The following ZSWIM7 variants were observed in gnomAD, a reference collection of about 807,000 sequenced individuals.
The protein encoded by ZSWIM7 is zinc finger SWIM domain-containing protein 7.
In ZSWIM7, 22 loss-of-function variants were observed where a neutral mutation model predicts 21.1. The observed-to-expected ratio is 1.04, with a 90% confidence interval of 0.74 to 1.49. The LOEUF (loss-of-function observed/expected upper bound fraction) is 1.49. ZSWIM7 is among the 40% of genes most tolerant of loss of function. The probability of loss-of-function intolerance (pLI) is 0.00; values close to 1 mark genes in which losing one functional copy is unlikely to be tolerated. For synonymous variants in ZSWIM7, 67 were observed against 66.5 expected (o/e 1.01, Z -0.04); for missense variants, 193 against 168.0 (o/e 1.15, Z -0.82).
chr17:15,996,229 G>A (rs1462136913), intron 1 of ZSWIM7, among the ~76,000 whole-genome samples: 1 of 152,156 alleles, frequency 6.6e-6, no homozygotes, highest in African/African-American at 2.4e-5. Flanking sequence ...CTTGAACCCA[G>A]GAGGCAGAGG....
At chr17:15,988,847 C>CAT (rs1970447612) in intron 2 of ZSWIM7, among the ~76,000 whole-genome samples, 1 of 151,890 alleles carries the variant, frequency 6.6e-6, no homozygotes. Flanking sequence ...GGTGAAACCC[C>CAT]GTCTCTACTA....
Position 15,998,816 on chromosome 17 carries a change from G to A in ZSWIM7, c.76+703C>T, listed in dbSNP as rs749651762. ...GTTGCCCAGGCTGGAGTGCAATGGC[G>A]CGATCTCGGCTCACGGCAACCTCCG... On this transcript the variant is annotated intron_variant, in intron 1 of 4. Coordinates refer to ENST00000399277, the MANE Select transcript of ZSWIM7 (RefSeq NM_001042697.2). 4.7e-5 allele frequency among the ~76,000 whole-genome samples: 7 copies of A among 150,526 alleles called. No homozygotes were observed. The East Asian group carries it at 5.9e-4, about 13-fold the overall frequency.
intron 4 of ZSWIM7, among the ~76,000 whole-genome samples, chr17:15,979,038 G>A (rs1281846784): frequency 6.7e-6 from 1 of 149,362 alleles, no homozygotes; most frequent in Non-Finnish European, 1.5e-5. Flanking sequence ...TCTCACAGAG[G>A]GGGATTTGGC....
intron 3 of ZSWIM7, among the ~76,000 whole-genome samples, chr17:15,982,702 A>G (rs1206546899): frequency 6.6e-6 from 1 of 152,100 alleles, no homozygotes; most frequent in East Asian, 1.9e-4. Flanking sequence ...TCCAGGCTGG[A>G]GTACAGTGGC....
intron 2 of ZSWIM7, chr17:15,990,873 ATTTT>A (rs991937866): frequency 6.6e-6 from 1 of 152,222 alleles, no homozygotes; most frequent in Admixed American, 6.5e-5. Context: ...ACCTTTAAGA[ATTTT>A]TTTAAGGCCA....
At chr17:15,996,490 A>G (rs1970556794) in intron 1 of ZSWIM7, among the ~76,000 whole-genome samples, 1 of 152,044 alleles carries the variant, frequency 6.6e-6, no homozygotes, top group Admixed American at 6.6e-5. Flanking sequence ...ACAGAAAATA[A>G]AATAATCAGC....
chr17:15,993,855 G>T, intron 1 of ZSWIM7, 77 bp from the exon 2 acceptor site: 1 of 1,162,928 alleles, frequency 8.6e-7, no homozygotes, highest in Non-Finnish European at 1.2e-6. Context: ...AAAAAACACT[G>T]TAACTAAAAA....
intron 2 of ZSWIM7, among the ~76,000 whole-genome samples, chr17:15,992,052 G>A (rs1179240357): frequency 7.3e-5 from 11 of 151,602 alleles, no homozygotes; most frequent in East Asian, 5.8e-4. Context: ...TCAGCCCCCC[G>A]AATAGCTGGG....
At chr17:15,980,578 G>A (rs867412362) in intron 4 of ZSWIM7, among the ~76,000 whole-genome samples, 4 of 152,212 alleles carry the variant, frequency 2.6e-5, no homozygotes, top group Middle Eastern at 3.4e-3. Context: ...TTCATGGTCT[G>A]GACTCTGATG....
intron 2 of ZSWIM7, among the ~76,000 whole-genome samples, chr17:15,992,694 C>T (rs1970501541): frequency 6.6e-6 from 1 of 152,024 alleles, no homozygotes; most frequent in East Asian, 1.9e-4. Context: ...CCGTCTCGGC[C>T]TCCCAAAATG....
Position 15,977,355 on chromosome 17 carries a change from G to A in ZSWIM7, c.*692C>T, listed in dbSNP as rs1478289894. The A allele has an allele frequency of 3.9e-5, 6 of 152,032 alleles. No individual in the cohort carries two copies. The highest frequency in any genetic ancestry group is 3.9e-4 in the Admixed American group (6 of 15,252). The allele number at this position is 152,032 out of a possible 1,614,324, so 9.4% of individuals were successfully genotyped here. ...TCGTCGAAACTTCATCTTACTGTTT[G>A]GCCCACCATTCCAACCTTTTAAAAA... On this transcript the variant is annotated 3_prime_UTR_variant, in exon 5 of 5. Coordinates refer to ENST00000399277, the MANE Select transcript of ZSWIM7 (RefSeq NM_001042697.2).
At chr17:15,998,081 C>T (rs1970584030) in intron 1 of ZSWIM7, among the ~76,000 whole-genome samples, 1 of 150,764 alleles carries the variant, frequency 6.6e-6, no homozygotes, top group South Asian at 2.1e-4. Context: ...GCCTGGGAGA[C>T]AGAGCAAGAC....
chr17:15,993,937 A>G (rs1970515834), intron 1 of ZSWIM7, 159 bp from the exon 2 acceptor site: 1 of 525,028 alleles, frequency 1.9e-6, no homozygotes, highest in East Asian at 3.2e-5. Flanking sequence ...CACTAAAACC[A>G]TAATAAAAGG....
At chr17:15,979,505 A>AC (rs1299614736) in intron 4 of ZSWIM7, among the ~76,000 whole-genome samples, 1 of 152,080 alleles carries the variant, frequency 6.6e-6, no homozygotes, top group African/African-American at 2.4e-5. Context: ...GCTGTTGGGT[A>AC]CACCTCCCAG....
At chr17:15,978,916 C>T (rs1970310644) in intron 4 of ZSWIM7, among the ~76,000 whole-genome samples, 1 of 151,254 alleles carries the variant, frequency 6.6e-6, no homozygotes, top group Non-Finnish European at 1.5e-5. Context: ...ATTGTAACCA[C>T]ATGCTCATCA....
intron 1 of ZSWIM7, 30 bp from the exon 2 acceptor site, chr17:15,993,808 A>G: frequency 6.7e-7 from 1 of 1,490,140 alleles, no homozygotes; most frequent in Non-Finnish European, 9.3e-7. Flanking sequence ...AAAAAAAGTT[A>G]ATCATATTAA....
intron 1 of ZSWIM7, among the ~76,000 whole-genome samples, chr17:15,997,928 C>A (rs1017331525): frequency 1.2e-4 from 19 of 152,098 alleles, no homozygotes; most frequent in Non-Finnish European, 2.8e-4. Context: ...TGGTGAAACC[C>A]CGTCTCTTCT....
chr17:15,991,260 T>G (rs1389117590), intron 2 of ZSWIM7, among the ~76,000 whole-genome samples: 1 of 151,844 alleles, frequency 6.6e-6, no homozygotes, highest in African/African-American at 2.4e-5. Flanking sequence ...TCAAACTCCA[T>G]GAATTGTTAG....
chr17:15,981,690 C>A (rs1270452353), intron 3 of ZSWIM7, among the ~76,000 whole-genome samples: 1 of 152,044 alleles, frequency 6.6e-6, no homozygotes, highest in Non-Finnish European at 1.5e-5. Flanking sequence ...GGGAGGATCA[C>A]TTGACCCCCC....
Sources: gnomAD v4.1 joint callset for allele counts (sites outside exome capture counted in the v4.1 genomes callset) on GRCh38, gnomAD v4.1.1 for gene constraint, MANE v1.5 for transcripts, NCBI Gene and HGNC (gene_info 2026-07-23, HGNC 2026-07-21) for gene names.